Variants in HIVEP3 observed in about 807,000 individuals in gnomAD.
HIVEP3 encodes the protein transcription factor HIVEP3.
A neutral mutation model predicts 152.8 loss-of-function variants in HIVEP3; 49 were observed. The ratio of observed to expected loss-of-function variants is 0.32; its 90% CI spans 0.26 to 0.41. The LOEUF (loss-of-function observed/expected upper bound fraction) is 0.41. HIVEP3 is among the 10% of genes least tolerant of loss of function. The pLI is 1.00. For missense variants in HIVEP3, 2,790 were observed against 3,103.3 expected (o/e 0.90, Z 2.40); for synonymous variants, 1,269 against 1,289.0 (o/e 0.98, Z 0.33).
intron 1 of HIVEP3, among the ~76,000 whole-genome samples, chr1:41,870,885 A>G (rs1402274437): frequency 5.3e-5 from 8 of 152,206 alleles, no homozygotes; most frequent in Non-Finnish European, 8.8e-5. Flanking sequence ...TGGGCAAGCA[A>G]CTTAACCTCT....
chr1:41,770,588 C>T (rs1031298699), intron 1 of HIVEP3, among the ~76,000 whole-genome samples: 1 of 152,144 alleles, frequency 6.6e-6, no homozygotes, highest in Non-Finnish European at 1.5e-5. Flanking sequence ...GAGAAGGGGA[C>T]AGCACTTCTA....
intron 1 of HIVEP3, among the ~76,000 whole-genome samples, chr1:41,930,407 TC>T (rs1358574380): frequency 2.6e-4 from 39 of 152,174 alleles, no homozygotes; most frequent in South Asian, 1.9e-3. Flanking sequence ...TTCTTTCACT[TC>T]GCAAAATGGA....
At chr1:41,886,172 G>T (rs747082503) in intron 1 of HIVEP3, among the ~76,000 whole-genome samples, 1 of 152,150 alleles carries the variant, frequency 6.6e-6, no homozygotes, top group African/African-American at 2.4e-5. Flanking sequence ...ATATTGAATG[G>T]TGTTACAGTA....
chr1:41,883,616 A>T (rs1220329852), intron 1 of HIVEP3, among the ~76,000 whole-genome samples: 1 of 152,240 alleles, frequency 6.6e-6, no homozygotes, highest in Non-Finnish European at 1.5e-5. Flanking sequence ...CTCCAGGGCC[A>T]AAAGAGAACC....
At chr1:41,962,146 C>G (rs974430909) in intron 1 of HIVEP3, among the ~76,000 whole-genome samples, 1 of 152,114 alleles carries the variant, frequency 6.6e-6, no homozygotes, top group Non-Finnish European at 1.5e-5. Context: ...TTCACTTAAG[C>G]CAGAAATATA....
intron 1 of HIVEP3, among the ~76,000 whole-genome samples, chr1:41,985,037 CTGAT>C (rs1645314280): frequency 6.6e-6 from 1 of 150,964 alleles, no homozygotes; most frequent in Non-Finnish European, 1.5e-5. Flanking sequence ...CAGGGGATGA[CTGAT>C]TGATTGACTG....
intron 4 of HIVEP3, among the ~76,000 whole-genome samples, chr1:41,577,643 G>A (rs911031656): frequency 8.5e-5 from 13 of 152,204 alleles, no homozygotes; most frequent in Non-Finnish European, 1.8e-4. Flanking sequence ...AAGATGGTTT[G>A]GAAGAGCTTC....
intron 1 of HIVEP3, among the ~76,000 whole-genome samples, chr1:41,843,204 T>C (rs1160788479): frequency 1.3e-5 from 2 of 152,224 alleles, no homozygotes; most frequent in Non-Finnish European, 2.9e-5. Context: ...ACTGCATGGA[T>C]ACACTCCATA....
In HIVEP3 at chr1:41,801,669, G is replaced by A. The variant is rs548066762; in HGVS notation, c.-800-100674C>T. Among the ~76,000 whole-genome samples, 487 of 152,042 alleles carry A rather than the reference G, an allele frequency of 3.2e-3. 5 individuals carry two copies. The highest frequency in any genetic ancestry group is 4.2e-3 in the Non-Finnish European group (283 of 67,954). On this transcript the variant is annotated intron_variant, in intron 1 of 8. Coordinates refer to ENST00000372583, the MANE Select transcript of HIVEP3 (RefSeq NM_024503.5). ...CTGAGGCAGGAGAATGTGTGAACCC[G>A]GGAGGCGGAGCTTGCAGTGAGCCGA...
At chr1:41,637,338 T>C (rs1304889996) in intron 2 of HIVEP3, among the ~76,000 whole-genome samples, 2 of 152,248 alleles carry the variant, frequency 1.3e-5, no homozygotes, top group Admixed American at 1.3e-4. Context: ...TTCTTAAAGA[T>C]AAACATATAC....
At chr1:41,538,874 G>T (rs1476807370) in intron 5 of HIVEP3, among the ~76,000 whole-genome samples, 1 of 152,124 alleles carries the variant, frequency 6.6e-6, no homozygotes, top group Non-Finnish European at 1.5e-5. Context: ...GCCATGAGCA[G>T]CCCTGGCCTG....
chr1:41,837,553 C>T (rs185567399), intron 1 of HIVEP3, among the ~76,000 whole-genome samples: 1 of 152,044 alleles, frequency 6.6e-6, no homozygotes, highest in Non-Finnish European at 1.5e-5. Context: ...CTCCAACTCC[C>T]GACCTCAGGT....
Position 41,537,998 on chromosome 1 carries a change from C to T in HIVEP3, c.5208-13088G>A, listed in dbSNP as rs182400606. 1.2e-4 allele frequency among the ~76,000 whole-genome samples: 18 copies of T among 152,348 alleles called. No homozygotes were observed. In the East Asian group the frequency reaches 3.1e-3, roughly 26 times the overall value. ...GCCAGAAATATAAAGCTAAATAAAA[C>T]CCTGACCTTGGTCTCAAGTGTGACT... On this transcript the variant is annotated intron_variant, in intron 5 of 8. Transcript: ENST00000372583.
intron 2 of HIVEP3, among the ~76,000 whole-genome samples, chr1:41,692,172 C>A (rs1382717236): frequency 6.6e-6 from 1 of 152,212 alleles, no homozygotes; most frequent in Non-Finnish European, 1.5e-5. Context: ...GCCTAATGTG[C>A]GTGTTCCCAG....
intron 2 of HIVEP3, among the ~76,000 whole-genome samples, chr1:41,696,292 GT>G (rs1325466161): frequency 6.6e-6 from 1 of 152,242 alleles, no homozygotes; most frequent in African/African-American, 2.4e-5. Flanking sequence ...TCTCCCGTGT[GT>G]TTGGTGGGCC....
At chr1:41,754,159 T>C (rs1570464828) in intron 1 of HIVEP3, among the ~76,000 whole-genome samples, 1 of 152,144 alleles carries the variant, frequency 6.6e-6, no homozygotes, top group Non-Finnish European at 1.5e-5. Flanking sequence ...TGCCGCAGGG[T>C]GACCCAGCAA....
intron 1 of HIVEP3, among the ~76,000 whole-genome samples, chr1:41,805,310 C>T (rs1650538102): frequency 6.6e-6 from 1 of 152,224 alleles, no homozygotes; most frequent in Non-Finnish European, 1.5e-5. Flanking sequence ...GCATTCTAGC[C>T]TAGGCAACAG....
At chr1:41,811,984 G>A (rs994755737) in intron 1 of HIVEP3, among the ~76,000 whole-genome samples, 1 of 152,056 alleles carries the variant, frequency 6.6e-6, no homozygotes, top group Admixed American at 6.6e-5. Flanking sequence ...GTGTCCAGAG[G>A]CACTGGCTTA....
chr1:41,740,426 G>A (rs749302055), intron 1 of HIVEP3, among the ~76,000 whole-genome samples: 6 of 152,232 alleles, frequency 3.9e-5, no homozygotes, highest in African/African-American at 7.2e-5. Flanking sequence ...GTGATTGGGC[G>A]AGGAGGGAAC....
Sources: allele counts gnomAD v4.1 joint callset (sites outside exome capture counted in the v4.1 genomes callset), GRCh38; gene constraint gnomAD v4.1.1; transcripts MANE v1.5; gene names NCBI Gene and HGNC (gene_info 2026-07-23, HGNC 2026-07-21).